UBXN7: variants seen among roughly 807,000 people sequenced by gnomAD.
The protein encoded by UBXN7 is UBX domain-containing protein 7.
A neutral mutation model predicts 58.0 loss-of-function variants in UBXN7; 9 were observed. The ratio of observed to expected loss-of-function variants is 0.16; its 90% confidence interval spans 0.09 to 0.27. UBXN7 has a LOEUF of 0.27. UBXN7 is among the 10% of genes least tolerant of loss of function. The pLI, the probability that UBXN7 is intolerant of heterozygous loss-of-function variation, is 1.00. For synonymous variants in UBXN7, 208 were observed against 205.0 expected, an observed-to-expected ratio of 1.01 and a Z score of -0.12; for missense variants, 328 against 599.6, an observed-to-expected ratio of 0.55 and a Z score of 4.73.
intron 10 of UBXN7, among the ~76,000 whole-genome samples, chr3:196,359,342 T>A (rs2108825871): frequency 6.6e-6 from 1 of 152,278 alleles, no homozygotes; most frequent in Middle Eastern, 3.4e-3. Context: ...TCTCTCTCCC[T>A]CTATTCAGGC....
intron 8 of UBXN7, among the ~76,000 whole-genome samples, chr3:196,365,581 A>G (rs1728641868): frequency 6.6e-6 from 1 of 152,186 alleles, no homozygotes; most frequent in Non-Finnish European, 1.5e-5. Flanking sequence ...CGTAAGATCA[A>G]TAAAACTACT....
intron 10 of UBXN7, among the ~76,000 whole-genome samples, chr3:196,358,790 T>TAGGG (rs1256525181): frequency 1.3e-5 from 2 of 151,708 alleles, no homozygotes; most frequent in Non-Finnish European, 2.9e-5. Context: ...AGTTTGCAGT[T>TAGGG]AGAGATCAGA....
At chr3:196,384,041 A>G (rs1190259074) in intron 5 of UBXN7, among the ~76,000 whole-genome samples, 1 of 152,212 alleles carries the variant, frequency 6.6e-6, no homozygotes, top group Non-Finnish European at 1.5e-5. Flanking sequence ...AACAAAATTG[A>G]TAGACCACTA....
chr3:196,372,347 T>C lies in UBXN7; in HGVS notation c.469-305A>G, dbSNP rs546650714. Among the ~76,000 whole-genome samples the C allele has an allele frequency of 6.1e-4, 90 of 148,290 alleles. No homozygotes were observed. The South Asian group carries it at 0.013, about 21-fold the overall frequency. The stretch of plus-strand genomic sequence containing the variant: ...CTCTCCTTTCTTTCTTTCTTTCTTT[T>C]TTTTTTTTTTTTGAGACAGAGTCTA... On this transcript the variant is annotated intron_variant, in intron 5 of 10. Transcript: ENST00000296328.
chr3:196,379,061 G>A (rs1185862810), intron 5 of UBXN7, among the ~76,000 whole-genome samples: 3 of 128,724 alleles, frequency 2.3e-5, no homozygotes, highest in South Asian at 5.8e-4. Context: ...TTCTTTCCAT[G>A]TTGGTTTTGG....
At chr3:196,364,262 G>C (rs1240233453) in intron 8 of UBXN7, among the ~76,000 whole-genome samples, 1 of 152,124 alleles carries the variant, frequency 6.6e-6, no homozygotes, top group Non-Finnish European at 1.5e-5. Context: ...ACATACTATA[G>C]AGGAAAGAAA....
intron 9 of UBXN7, 97 bp downstream of exon 9, chr3:196,362,197 T>C: frequency 6.9e-7 from 1 of 1,450,198 alleles, no homozygotes; most frequent in Non-Finnish European, 9.3e-7. Context: ...TTTTGCCATG[T>C]TGGCGAGGCT....
intron 1 of UBXN7, among the ~76,000 whole-genome samples, chr3:196,409,357 G>A (rs1730255017): frequency 6.6e-6 from 1 of 151,846 alleles, no homozygotes; most frequent in South Asian, 2.1e-4. Flanking sequence ...AATCACTAAG[G>A]AAAAAAATAA....
In UBXN7 at chr3:196,393,309, G is replaced by A. The variant is rs548652693; in HGVS notation, c.355+245C>T. Among the ~76,000 whole-genome samples, 5 of 152,162 alleles carry A rather than the reference G, an allele frequency of 3.3e-5. No homozygotes were observed. The South Asian group carries it at 6.2e-4, about 19-fold the overall frequency. ...GCATTTTAAGTGTTTATTCACAAGCGAATTAAGTTTATCAATTACCATATT... is the reference window on the plus strand; with the variant it reads ...GCATTTTAAGTGTTTATTCACAAGCAAATTAAGTTTATCAATTACCATATT... On this transcript the variant is annotated intron_variant, in intron 4 of 10. Coordinates refer to ENST00000296328, the MANE Select transcript of UBXN7 (RefSeq NM_015562.2).
At position 196,349,459 on chromosome 3, in the gene UBXN7, T is replaced by C. The variant is rs1034463222; in HGVS notation, c.*7226A>G. On this transcript the variant is annotated 3_prime_UTR_variant, in exon 11 of 11. Coordinates refer to ENST00000296328, the MANE Select transcript of UBXN7 (RefSeq NM_015562.2). Reference sequence around the variant, plus strand: ...ATGATTAGTGTCATAAACATATTTATATTTGGAATTACACCATTTGATATC... The same window carrying C: ...ATGATTAGTGTCATAAACATATTTACATTTGGAATTACACCATTTGATATC... 1 of 152,242 alleles carries C rather than the reference T, an allele frequency of 6.6e-6. No homozygotes were observed. Among genetic ancestry groups the C allele is most frequent in the Admixed American group, 6.5e-5 (1 of 15,286 alleles). 9.4% of individuals were successfully genotyped at this position (152,242 alleles called of 1,614,324 possible).
At chr3:196,403,594 G>GA (rs1227752608) in intron 2 of UBXN7, among the ~76,000 whole-genome samples, 2 of 151,270 alleles carry the variant, frequency 1.3e-5, no homozygotes, top group East Asian at 3.9e-4. Flanking sequence ...AATTCTGTCA[G>GA]AAAAAAAGAA....
chr3:196,388,473 GTTTT>G (rs569238340), intron 5 of UBXN7, among the ~76,000 whole-genome samples: 1 of 146,068 alleles, frequency 6.8e-6, no homozygotes, highest in Non-Finnish European at 1.5e-5. Flanking sequence ...GCTACTGTTT[GTTTT>G]TTTTTTTTCC....
intron 5 of UBXN7, 143 bp from the exon 6 acceptor site, chr3:196,372,185 C>T: frequency 1.2e-6 from 1 of 851,184 alleles, no homozygotes; most frequent in South Asian, 1.9e-5. Flanking sequence ...AGCATTTATA[C>T]ATTCTATATA....
intron 3 of UBXN7, among the ~76,000 whole-genome samples, chr3:196,396,950 G>A (rs753315748): frequency 1.8e-4 from 27 of 152,002 alleles, no homozygotes; most frequent in African/African-American, 5.1e-4. Flanking sequence ...ACTGATCTCC[G>A]TATACTCACT....
chr3:196,417,244 G>A (rs748049734), intron 1 of UBXN7, among the ~76,000 whole-genome samples: 7 of 152,074 alleles, frequency 4.6e-5, no homozygotes, highest in South Asian at 2.1e-4. Context: ...ACCCGGCAGC[G>A]GAGCTTGCAG....
intron 1 of UBXN7, among the ~76,000 whole-genome samples, chr3:196,424,949 G>A (rs886202200): frequency 6.6e-6 from 1 of 151,544 alleles, no homozygotes; most frequent in African/African-American, 2.4e-5. Context: ...TGATCCACTC[G>A]CCTCGGCCTC....
At chr3:196,427,864 C>T (rs1222429110) in intron 1 of UBXN7, among the ~76,000 whole-genome samples, 1 of 152,202 alleles carries the variant, frequency 6.6e-6, no homozygotes, top group Middle Eastern at 3.2e-3. Context: ...CAGTGGCTCA[C>T]GCCCATAATA....
rs1445071333 is a variant in UBXN7, at chr3:196,354,857, A to G, written c.*1828T>C. Reference sequence around the variant, plus strand: ...ACCGTAATTATATAAATATATTTATAAATATTTATACAATTATATACTTAT... The same window carrying G: ...ACCGTAATTATATAAATATATTTATGAATATTTATACAATTATATACTTAT... On this transcript the variant is annotated 3_prime_UTR_variant, in exon 11 of 11. Coordinates refer to ENST00000296328, the MANE Select transcript of UBXN7 (RefSeq NM_015562.2). 2.0e-5 allele frequency: 3 copies of G among 151,428 alleles called. No homozygotes were observed. The highest frequency in any genetic ancestry group is 2.1e-4 in the South Asian group (1 of 4,836). 9.4% of individuals were successfully genotyped at this position (151,428 alleles called of 1,614,324 possible). A position where few individuals can be genotyped will look rare whatever the true frequency, so the allele number is the denominator to read the frequency against.
intron 5 of UBXN7, among the ~76,000 whole-genome samples, chr3:196,376,990 G>C (rs866105578): frequency 6.6e-6 from 1 of 150,798 alleles, no homozygotes; most frequent in Non-Finnish European, 1.5e-5. Context: ...GGGCTGCAGT[G>C]AGCCGAGATC....
Sources: gnomAD v4.1 joint callset for allele counts (sites outside exome capture counted in the v4.1 genomes callset) on GRCh38, gnomAD v4.1.1 for gene constraint, MANE v1.5 for transcripts, NCBI Gene and HGNC (gene_info 2026-07-23, HGNC 2026-07-21) for gene names.